Variants in LIN52 observed in about 807,000 individuals in gnomAD.
LIN52 encodes protein lin-52 homolog.
A neutral mutation model predicts 18.5 loss-of-function variants in LIN52; 4 were observed. That is an observed-to-expected ratio of 0.22 (90% CI 0.11 to 0.49). The LOEUF (loss-of-function observed/expected upper bound fraction) is 0.49, where lower values mean the gene tolerates loss of function less well. LIN52 is among the 20% of genes least tolerant of loss of function. LIN52 has a pLI of 0.97. For synonymous variants in LIN52, 34 were observed against 45.5 expected (o/e 0.75, Z 1.02); for missense variants, 102 against 139.5 (o/e 0.73, Z 1.35).
chr14:74,137,523 G>C (rs566352688), intron 5 of LIN52, among the ~76,000 whole-genome samples: 1 of 88,418 alleles, frequency 1.1e-5, no homozygotes, highest in Non-Finnish European at 2.1e-5. Context: ...TTTTGAGATG[G>C]AGTCTTGCTC....
rs141936961 is a variant in LIN52, at chr14:74,175,020, A to AAATAATAATAATAATAATAATAATAAT, written c.284-23878_284-23877insAATAATAATAATAATAATAATAATAAT. 3.1e-3 allele frequency among the ~76,000 whole-genome samples: 439 copies of AAATAATAATAATAATAATAATAATAAT among 140,968 alleles called. 5 individuals are homozygous for AAATAATAATAATAATAATAATAATAAT. The highest frequency in any genetic ancestry group is 6.4e-3 in the African/African-American group (243 of 38,198). 92.5% of individuals were successfully genotyped at this position (140,968 alleles called of 152,430 possible). A position where few individuals can be genotyped will look rare whatever the true frequency, so the allele number is the denominator to read the frequency against. ...ACAGAGTGAAACCTTGACTCAAAGA[A>AAATAATAATAATAATAATAATAATAAT]AATAATAATAATAATAATAATAATG... On this transcript the variant is annotated intron_variant, in intron 5 of 5. Coordinates refer to ENST00000555028, the MANE Select transcript of LIN52 (RefSeq NM_001024674.3).
intron 5 of LIN52, among the ~76,000 whole-genome samples, chr14:74,130,278 G>GTTTGTTTTTTTTTTTTTTTTTTTTT (rs1555382571): frequency 4.3e-4 from 28 of 64,820 alleles, no homozygotes; most frequent in South Asian, 1.4e-3. Flanking sequence ...GCATTTTTTG[G>GTTTGTTTTTTTTTTTTTTTTTTTTT]TTTTTTTTTT....
intron 5 of LIN52, among the ~76,000 whole-genome samples, chr14:74,153,501 C>T (rs537824717): frequency 6.6e-6 from 1 of 151,584 alleles, no homozygotes; most frequent in South Asian, 2.1e-4. Flanking sequence ...CATTTATAAA[C>T]ATGTTGTCTT....
chr14:74,102,782 T>G (rs2060866890), intron 5 of LIN52, among the ~76,000 whole-genome samples: 1 of 152,240 alleles, frequency 6.6e-6, no homozygotes, highest in South Asian at 2.1e-4. Flanking sequence ...GTCAGTAGTA[T>G]TATCTATAGT....
chr14:74,175,901 GT>G (rs2061292040), intron 5 of LIN52, among the ~76,000 whole-genome samples: 1 of 151,958 alleles, frequency 6.6e-6, no homozygotes, highest in South Asian at 2.1e-4. Context: ...GATCACTTGA[GT>G]TGAGGAGTAC....
intron 5 of LIN52, among the ~76,000 whole-genome samples, chr14:74,165,528 T>TTTTTTTTTTTTTG (rs56781854): frequency 6.7e-6 from 1 of 149,536 alleles, no homozygotes; most frequent in Admixed American, 6.6e-5. Context: ...TTTTTTTTTT[T>TTTTTTTTTTTTTG]GAGACAGAGT....
chr14:74,124,563 C>T (rs1466752466), intron 5 of LIN52, among the ~76,000 whole-genome samples: 1 of 152,000 alleles, frequency 6.6e-6, no homozygotes, highest in African/African-American at 2.4e-5. Flanking sequence ...GTAACCCTAG[C>T]CCTTTGGAAG....
chr14:74,110,015 C>T (rs751864058), intron 5 of LIN52, among the ~76,000 whole-genome samples: 12 of 152,114 alleles, frequency 7.9e-5, no homozygotes, highest in Non-Finnish European at 1.6e-4. Context: ...AGTGGACATC[C>T]TTGACTTTTC....
intron 5 of LIN52, among the ~76,000 whole-genome samples, chr14:74,155,768 C>T (rs1403167709): frequency 6.6e-6 from 1 of 152,198 alleles, no homozygotes; most frequent in Non-Finnish European, 1.5e-5. Context: ...GTGGGGTTTA[C>T]TCCTCCTTCA....
At chr14:74,126,714 G>T (rs879500536) in intron 5 of LIN52, among the ~76,000 whole-genome samples, 9 of 152,184 alleles carry the variant, frequency 5.9e-5, no homozygotes, top group Middle Eastern at 3.2e-3. Context: ...GCAGATTGGT[G>T]GTTCCCAGGG....
At chr14:74,089,224 G>A (rs1369020405) in intron 1 of LIN52, among the ~76,000 whole-genome samples, 2 of 152,152 alleles carry the variant, frequency 1.3e-5, no homozygotes, top group African/African-American at 4.8e-5. Flanking sequence ...ATTGGTTATG[G>A]AAGGGTGAAG....
chr14:74,143,426 C>T (rs1413627634), intron 5 of LIN52, among the ~76,000 whole-genome samples: 1 of 152,054 alleles, frequency 6.6e-6, no homozygotes, highest in Non-Finnish European at 1.5e-5. Context: ...GGCAGTGTGC[C>T]CCTGTGGTCC....
At chr14:74,087,080 T>C (rs1425258078) in intron 1 of LIN52, among the ~76,000 whole-genome samples, 4 of 152,176 alleles carry the variant, frequency 2.6e-5, no homozygotes, top group Non-Finnish European at 4.4e-5. Flanking sequence ...CCCTGTCATC[T>C]CTCAATTTAG....
chr14:74,120,010 A>T (rs1182797542), intron 5 of LIN52, among the ~76,000 whole-genome samples: 2 of 151,678 alleles, frequency 1.3e-5, no homozygotes, highest in Non-Finnish European at 2.9e-5. Flanking sequence ...TAATTTTTGT[A>T]TTTTTAGTAA....
chr14:74,114,306 A>G (rs555340372), intron 5 of LIN52: 1 of 985,360 alleles, frequency 1.0e-6, no homozygotes, highest in African/African-American at 1.7e-5. Flanking sequence ...TGAATAGGAA[A>G]GATACACACC....
Position 74,156,867 on chromosome 14 carries a change from G to A in LIN52, c.284-42055G>A, listed in dbSNP as rs116784510. Among the ~76,000 whole-genome samples the A allele has an allele frequency of 3.5e-3, 536 of 151,926 alleles. 4 individuals carry two copies. The highest frequency in any genetic ancestry group is 0.012 in the African/African-American group (509 of 41,438). ...TGTACTTAGGAGATCAACTTTTTTA[G>A]CTTTTACATATGAGTGAGAACATGT... On this transcript the variant is annotated intron_variant, in intron 5 of 5. Transcript: ENST00000555028.
At chr14:74,114,256 A>G (rs541876552) in intron 5 of LIN52, 4 of 983,406 alleles carry the variant, frequency 4.1e-6, no homozygotes, top group East Asian at 2.3e-4. Flanking sequence ...TATCTTAAGC[A>G]TTTTCCTGTG....
intron 5 of LIN52, among the ~76,000 whole-genome samples, chr14:74,120,307 G>C (rs116475640): frequency 0.014 from 2,070 of 151,676 alleles, 46 homozygotes; most frequent in African/African-American, 0.046. Context: ...CTTTTTATTT[G>C]TTGAAATTTG....
intron 5 of LIN52, among the ~76,000 whole-genome samples, chr14:74,141,453 C>G (rs775453247): frequency 1.3e-5 from 2 of 152,202 alleles, no homozygotes; most frequent in Non-Finnish European, 2.9e-5. Flanking sequence ...CAATTCAAGA[C>G]TCTTTGTAGA....
Sources: gnomAD v4.1 joint callset for allele counts (sites outside exome capture counted in the v4.1 genomes callset) on GRCh38, gnomAD v4.1.1 for gene constraint, MANE v1.5 for transcripts, NCBI Gene and HGNC (gene_info 2026-07-23, HGNC 2026-07-21) for gene names.